The following GALNT11 variants were observed in gnomAD, a reference collection of about 807,000 sequenced individuals.
GALNT11 encodes the protein UDP-GalNAc:polypeptide N-acetylgalactosaminyltransferase 11.
In GALNT11, 47 loss-of-function variants were observed where a neutral mutation model predicts 72.7. The ratio of observed to expected loss-of-function variants is 0.65; its 90% CI spans 0.51 to 0.82. The LOEUF (loss-of-function observed/expected upper bound fraction) is 0.82, where lower values mean the gene tolerates loss of function less well. Ranked by LOEUF, GALNT11 falls within the 40% of genes least tolerant of loss-of-function variation. GALNT11 has a pLI of 0.00. For synonymous variants in GALNT11, 270 were observed against 286.6 expected, an observed-to-expected ratio of 0.94 and a Z score of 0.58; for missense variants, 677 against 778.4, an observed-to-expected ratio of 0.87 and a Z score of 1.55.
At chr7:152,076,690 C>T (rs376047303) in intron 1 of GALNT11, among the ~76,000 whole-genome samples, 73 of 152,286 alleles carry the variant, frequency 4.8e-4, no homozygotes, top group Middle Eastern at 3.4e-3. Context: ...CTTCAGAAGC[C>T]AGAGATACAG....
At chr7:152,048,574 G>T (rs761893653) in intron 1 of GALNT11, among the ~76,000 whole-genome samples, 3 of 150,786 alleles carry the variant, frequency 2.0e-5, no homozygotes, top group Non-Finnish European at 4.4e-5. Context: ...TTGTCACCCA[G>T]GCTGGAGTGC....
intron 1 of GALNT11, among the ~76,000 whole-genome samples, chr7:152,084,634 T>C (rs2085530476): frequency 6.6e-6 from 1 of 152,190 alleles, no homozygotes; most frequent in South Asian, 2.1e-4. Context: ...TAAGCATTCA[T>C]TTCCGAGGAT....
At position 152,113,712 on chromosome 7, in the gene GALNT11, C is replaced by CTTTTTTTTTTTTTTTT. The variant is rs6150397; in HGVS notation, c.1233+341_1233+356dup. ...TGTGACGCCTGCAAAAGTTGGCTTT[C>CTTTTTTTTTTTTTTTT]TTTTTTTTTTTTTTTTTTTTTTTTT... On this transcript the variant is annotated intron_variant, in intron 8 of 11. Transcript: ENST00000430044. Among the ~76,000 whole-genome samples the CTTTTTTTTTTTTTTTT allele has an allele frequency of 2.7e-4, 26 of 97,022 alleles. 1 individual carries two copies. The highest frequency in any genetic ancestry group is 4.6e-4 in the African/African-American group (10 of 21,794). The allele number at this position is 97,022 out of a possible 152,430, so 63.7% of individuals were successfully genotyped here.
At chr7:152,028,683 C>A (rs1435523273) in intron 1 of GALNT11, among the ~76,000 whole-genome samples, 1 of 152,160 alleles carries the variant, frequency 6.6e-6, no homozygotes, top group Non-Finnish European at 1.5e-5. Flanking sequence ...CTCAATCCCC[C>A]CCCTCTAAAC....
At chr7:152,051,674 T>G (rs1048394476) in intron 1 of GALNT11, among the ~76,000 whole-genome samples, 3 of 152,202 alleles carry the variant, frequency 2.0e-5, no homozygotes, top group African/African-American at 7.2e-5. Flanking sequence ...CTTCAGAATT[T>G]TAAAAAATCA....
chr7:152,065,581 TATGGTCTTTG>T (rs1463429799), intron 1 of GALNT11, among the ~76,000 whole-genome samples: 44 of 152,340 alleles, frequency 2.9e-4, no homozygotes, highest in African/African-American at 1.0e-3. Flanking sequence ...TTTATCTACC[TATGGTCTTTG>T]ATGATGGTGA....
chr7:152,041,142 C>G (rs1328658095), intron 1 of GALNT11, among the ~76,000 whole-genome samples: 1 of 152,156 alleles, frequency 6.6e-6, no homozygotes, highest in Non-Finnish European at 1.5e-5. Context: ...GATAAGGTTT[C>G]AGGTATCTTG....
At chr7:152,040,425 T>G (rs1054466208) in intron 1 of GALNT11, among the ~76,000 whole-genome samples, 1 of 152,210 alleles carries the variant, frequency 6.6e-6, no homozygotes, top group African/African-American at 2.4e-5. Context: ...AGCTTTAGCT[T>G]CTTTCCAGGT....
rs560459244 is a variant in GALNT11 at position 152,027,121 on chromosome 7, C to T, written c.-39+1237C>T. 4.1e-4 allele frequency among the ~76,000 whole-genome samples: 62 copies of T among 152,124 alleles called. 1 individual carries two copies. In the South Asian group the frequency reaches 9.8e-3, roughly 24 times the overall value. The stretch of plus-strand genomic sequence containing the variant: ...AAAATAAGCCGGGCGTGGTGGCAGG[C>T]GCCTGTAATCCCAGCTACTTGGGAG... On this transcript the variant is annotated intron_variant, in intron 1 of 11. Coordinates refer to ENST00000430044, the MANE Select transcript of GALNT11 (RefSeq NM_022087.4).
chr7:152,033,551 A>G (rs1050207416), intron 1 of GALNT11, among the ~76,000 whole-genome samples: 6 of 152,212 alleles, frequency 3.9e-5, no homozygotes, highest in Admixed American at 2.6e-4. Flanking sequence ...TTTACAATCA[A>G]TTGACTCTCA....
chr7:152,029,072 C>T (rs1169407723), intron 1 of GALNT11, among the ~76,000 whole-genome samples: 1 of 152,148 alleles, frequency 6.6e-6, no homozygotes, highest in Non-Finnish European at 1.5e-5. Context: ...TTTCAGAAGC[C>T]TTTTCCTATA....
intron 8 of GALNT11, among the ~76,000 whole-genome samples, chr7:152,115,627 A>G (rs934409838): frequency 6.6e-5 from 10 of 152,234 alleles, no homozygotes; most frequent in African/African-American, 2.4e-4. Flanking sequence ...TATTTGGGTA[A>G]AACGAACTAA....
intron 1 of GALNT11, among the ~76,000 whole-genome samples, chr7:152,041,725 G>C (rs546315610): frequency 6.6e-6 from 1 of 152,346 alleles, no homozygotes; most frequent in South Asian, 2.1e-4. Flanking sequence ...TCTAAGGATA[G>C]AAAATAGATT....
chr7:152,035,129 T>A (rs2082500588), intron 1 of GALNT11, among the ~76,000 whole-genome samples: 1 of 152,196 alleles, frequency 6.6e-6, no homozygotes, highest in Non-Finnish European at 1.5e-5. Flanking sequence ...CCCCGTATCC[T>A]AGCTTCTGGA....
intron 1 of GALNT11, among the ~76,000 whole-genome samples, chr7:152,058,038 G>C (rs967262466): frequency 1.3e-5 from 2 of 152,078 alleles, no homozygotes; most frequent in African/African-American, 2.4e-5. Flanking sequence ...GTTCGGTTCT[G>C]AGCCACTGCA....
chr7:152,084,561 G>A (rs1199661759), intron 1 of GALNT11, among the ~76,000 whole-genome samples: 1 of 152,060 alleles, frequency 6.6e-6, no homozygotes, highest in African/African-American at 2.4e-5. Context: ...GTTTCATAAT[G>A]AAACCGTCTA....
At chr7:152,099,514 C>T (rs1299549061) in intron 2 of GALNT11, among the ~76,000 whole-genome samples, 2 of 148,146 alleles carry the variant, frequency 1.4e-5, no homozygotes, top group Non-Finnish European at 3.0e-5. Flanking sequence ...CGGGAATGCA[C>T]CACCACTCCC....
At chr7:152,063,119 A>G (rs1057489418) in intron 1 of GALNT11, among the ~76,000 whole-genome samples, 1 of 152,116 alleles carries the variant, frequency 6.6e-6, no homozygotes, top group African/African-American at 2.4e-5. Flanking sequence ...TTGGTAGGCT[A>G]TTAAGTATTG....
chr7:152,029,944 A>G (rs1295587595), intron 1 of GALNT11, among the ~76,000 whole-genome samples: 1 of 152,238 alleles, frequency 6.6e-6, no homozygotes. Context: ...GCCCTTGTTT[A>G]CACTGACAAC....
Sources: allele counts gnomAD v4.1 joint callset (sites outside exome capture counted in the v4.1 genomes callset), GRCh38; gene constraint gnomAD v4.1.1; transcripts MANE v1.5; gene names NCBI Gene and HGNC (gene_info 2026-07-23, HGNC 2026-07-21).